Variants in COX17 observed in about 807,000 individuals in gnomAD.
COX17 encodes cytochrome c oxidase copper chaperone COX17, also known as cytochrome c oxidase copper chaperone.
COX17 carries 1 observed loss-of-function variant against 6.3 expected under a neutral mutation model. The ratio of observed to expected loss-of-function variants is 0.16; its 90% CI spans 0.06 to 0.75. The LOEUF (loss-of-function observed/expected upper bound fraction) is 0.75. COX17 is among the 30% of genes least tolerant of loss of function. The probability of loss-of-function intolerance (pLI) is 0.77; values close to 1 mark genes in which losing one functional copy is unlikely to be tolerated. For missense variants in COX17, 73 were observed against 81.2 expected, an observed-to-expected ratio of 0.90 and a Z score of 0.39; for synonymous variants, 26 against 30.5, an observed-to-expected ratio of 0.85 and a Z score of 0.49.
At chr3:119,665,677 A>C (rs1461764678), downstream of COX17, among the ~76,000 whole-genome samples, 1 of 152,216 alleles carries the variant, frequency 6.6e-6, no homozygotes, top group African/African-American at 2.4e-5. Flanking sequence ...CCCAGCCAAG[A>C]CTAAGTTCTT....
chr3:119,671,984 A>T (rs2053049218), intron 2 of COX17, among the ~76,000 whole-genome samples: 1 of 152,218 alleles, frequency 6.6e-6, no homozygotes, highest in Non-Finnish European at 1.5e-5. Flanking sequence ...GAAGGGTCCT[A>T]TATGGATTCA....
chr3:119,670,215 G>A (rs2053030588), intron 2 of COX17, among the ~76,000 whole-genome samples: 1 of 152,140 alleles, frequency 6.6e-6, no homozygotes, highest in East Asian at 1.9e-4. Flanking sequence ...CATAGATAGG[G>A]TTGCTGATCC....
Position 119,676,880 on chromosome 3 carries a change from G to GT in COX17, c.107+323dup, listed in dbSNP as rs533077504. 287 of 702,950 alleles carry GT rather than the reference G, an allele frequency of 4.1e-4. No individual in the cohort carries two copies. The African/African-American group carries it at 4.4e-3, about 11-fold the overall frequency. 43.5% of individuals were successfully genotyped at this position (702,950 alleles called of 1,614,324 possible). On this transcript the variant is annotated intron_variant, in intron 1 of 2. Coordinates refer to ENST00000261070, the MANE Select transcript of COX17 (RefSeq NM_005694.2). Reference sequence around the variant, plus strand: ...AACACACATTTGTAGGAAGGAATGAGTGGTTGAAGCTTGCCGTTCTCCTCT... The same window carrying GT: ...AACACACATTTGTAGGAAGGAATGAGTTGGTTGAAGCTTGCCGTTCTCCTCT...
downstream of COX17, among the ~76,000 whole-genome samples, chr3:119,667,674 G>GAAAGTAAAA (rs2053004718): frequency 8.4e-6 from 1 of 118,672 alleles, no homozygotes; most frequent in South Asian, 2.9e-4. Context: ...AAAAAAAAAA[G>GAAAGTAAAA]AAAGTAAAAG....
At chr3:119,676,759 T>C (rs896998795) in intron 1 of COX17, 1 of 691,702 alleles carries the variant, frequency 1.4e-6, no homozygotes, top group Admixed American at 2.0e-5. Context: ...CTGGTTTATG[T>C]CTCCATTAAC....
chr3:119,667,656 T>C (rs1355389933), downstream of COX17, among the ~76,000 whole-genome samples: 1 of 101,020 alleles, frequency 9.9e-6, no homozygotes, highest in Non-Finnish European at 2.0e-5. Flanking sequence ...GTTATCAGAG[T>C]AGCCAAAAAA....
chr3:119,672,515 A>G (rs2053054392), intron 2 of COX17, among the ~76,000 whole-genome samples: 1 of 152,214 alleles, frequency 6.6e-6, no homozygotes, highest in Non-Finnish European at 1.5e-5. Context: ...CCTACAGCTT[A>G]CACAACTGAC....
At chr3:119,667,274 T>TA (rs2053001099), downstream of COX17, among the ~76,000 whole-genome samples, 1 of 152,198 alleles carries the variant, frequency 6.6e-6, no homozygotes, top group African/African-American at 2.4e-5. Context: ...ACTGTGGTGA[T>TA]ATCTCTTTTC....
chr3:119,670,807 G>C (rs1171940861), intron 2 of COX17, among the ~76,000 whole-genome samples: 1 of 150,034 alleles, frequency 6.7e-6, no homozygotes, highest in Non-Finnish European at 1.5e-5. Flanking sequence ...CATATTTTAA[G>C]CATCCAACTG....
chr3:119,671,046 T>C lies in COX17; in HGVS notation c.*5-1381A>G, dbSNP rs149927887. ...TAAAATAGAAAAAAATTGTCTAAAA[T>C]CACCACCATACCTATTTTTTCTTGA... On this transcript the variant is annotated intron_variant, in intron 2 of 2. Transcript: ENST00000261070. Among the ~76,000 whole-genome samples the C allele has an allele frequency of 4.9e-3, 746 of 152,290 alleles. 2 individuals are homozygous for C. The highest frequency in any genetic ancestry group is 8.4e-3 in the Non-Finnish European group (571 of 68,000).
chr3:119,664,238 T>C (rs1465193809), intron 3 of COX17, among the ~76,000 whole-genome samples: 2 of 152,058 alleles, frequency 1.3e-5, no homozygotes, highest in South Asian at 2.1e-4. Context: ...ATTCATGAGG[T>C]TGGGGGCGTG....
chr3:119,676,686 A>G (rs2053103527), intron 1 of COX17: 3 of 594,630 alleles, frequency 5.0e-6, no homozygotes, highest in Non-Finnish European at 9.1e-6. Context: ...AAATTACCAG[A>G]AAACCTTTCC....
downstream of COX17, among the ~76,000 whole-genome samples, chr3:119,666,524 A>G (rs900071349): frequency 8.5e-5 from 13 of 152,204 alleles, no homozygotes; most frequent in Non-Finnish European, 1.3e-4. Flanking sequence ...AGTTTTTAAT[A>G]CCTAAAGAAA....
downstream of COX17, chr3:119,669,123 C>G (rs2053018765): frequency 6.6e-6 from 1 of 151,976 alleles, no homozygotes; most frequent in South Asian, 2.1e-4. Context: ...CAGTTGAGAT[C>G]TTCTAAGCCA....
At chr3:119,673,997 A>G (rs1247335388) in intron 2 of COX17, among the ~76,000 whole-genome samples, 1 of 150,822 alleles carries the variant, frequency 6.6e-6, no homozygotes, top group Non-Finnish European at 1.5e-5. Context: ...CTGGGAAGTG[A>G]GGTGCCCCTC....
intron 2 of COX17, 27 bp downstream of exon 2, chr3:119,675,118 T>C (rs754642772): frequency 4.7e-6 from 7 of 1,488,084 alleles, no homozygotes; most frequent in South Asian, 2.3e-5. Flanking sequence ...TGTAAAGCAA[T>C]ACACAACTTT....
At chr3:119,670,224 C>A (rs1290604921) in intron 2 of COX17, among the ~76,000 whole-genome samples, 1 of 152,116 alleles carries the variant, frequency 6.6e-6, no homozygotes, top group Non-Finnish European at 1.5e-5. Flanking sequence ...GGTTGCTGAT[C>A]CAGTCAAGTC....
chr3:119,669,250 TAAAAAAA>T (rs58241792), downstream of COX17: 4 of 141,940 alleles, frequency 2.8e-5, no homozygotes. Context: ...TTAAGAAAGT[TAAAAAAA>T]AAAAAAAAAA....
chr3:119,676,012 A>G (rs2053095580), intron 1 of COX17, among the ~76,000 whole-genome samples: 2 of 152,248 alleles, frequency 1.3e-5, no homozygotes. Context: ...ATCATTGTGA[A>G]GATAATAGCT....
Sources: gnomAD v4.1 joint callset for allele counts (sites outside exome capture counted in the v4.1 genomes callset) on GRCh38, gnomAD v4.1.1 for gene constraint, MANE v1.5 for transcripts, NCBI Gene and HGNC (gene_info 2026-07-23, HGNC 2026-07-21) for gene names.